TXNDC8: variants seen among roughly 807,000 people sequenced by gnomAD.
TXNDC8 encodes thioredoxin domain-containing protein 8.
Under a neutral mutation model 12.9 loss-of-function variants are expected in TXNDC8, and 15 were observed. The ratio of observed to expected loss-of-function variants is 1.16; its 90% confidence interval spans 0.78 to 1.79. The LOEUF is 1.79. Among genes scored for constraint, TXNDC8 ranks in the 40% most tolerant of loss-of-function variants. The pLI is 0.00. For synonymous variants in TXNDC8, 40 were observed against 35.4 expected (o/e 1.13, Z -0.46); for missense variants, 128 against 113.2 (o/e 1.13, Z -0.59).
chr9:110,311,682 A>ATATATGGATATAGTAATATAGTATATCCT (rs1564096269), intron 3 of TXNDC8, among the ~76,000 whole-genome samples: 39 of 133,272 alleles, frequency 2.9e-4, no homozygotes, highest in African/African-American at 1.2e-3. Context: ...ATATCCTTAT[A>ATATATGGATATAGTAATATAGTATATCCT]TATATATATA....
At chr9:110,326,299 G>T in intron 2 of TXNDC8, 59 bp from the exon 4 acceptor site, 1 of 1,570,118 alleles carries the variant, frequency 6.4e-7, no homozygotes, top group Non-Finnish European at 8.8e-7. Context: ...TCTGTACCAA[G>T]CATGTTATTT....
intron 2 of TXNDC8, 55 bp from the exon 4 acceptor site, chr9:110,326,295 C>T: frequency 6.3e-7 from 1 of 1,583,902 alleles, no homozygotes; most frequent in South Asian, 1.1e-5. Flanking sequence ...TCTCTCTGTA[C>T]CAAGCATGTT....
intron 3 of TXNDC8, among the ~76,000 whole-genome samples, chr9:110,305,008 C>T (rs1354372610): frequency 6.6e-6 from 1 of 151,660 alleles, no homozygotes; most frequent in Non-Finnish European, 1.5e-5. Flanking sequence ...ATTAGCCAGG[C>T]GTGGTGGTGT....
intron 3 of TXNDC8, among the ~76,000 whole-genome samples, chr9:110,316,723 A>G (rs1478687233): frequency 6.6e-6 from 1 of 152,216 alleles, no homozygotes; most frequent in Non-Finnish European, 1.5e-5. Flanking sequence ...TGATTTAGAA[A>G]CTCTACTTAC....
intron 1 of TXNDC8, among the ~76,000 whole-genome samples, chr9:110,335,795 G>C (rs568328237): frequency 6.6e-6 from 1 of 152,280 alleles, no homozygotes; most frequent in East Asian, 1.9e-4. Context: ...TTAAGAGGAG[G>C]GGGATGGGAT....
downstream of TXNDC8, among the ~76,000 whole-genome samples, chr9:110,303,125 G>C (rs1000662307): frequency 2.0e-5 from 3 of 152,142 alleles, no homozygotes; most frequent in Non-Finnish European, 2.9e-5. Context: ...AATCGGGGGA[G>C]GCTTTCATAT....
At chr9:110,301,413 AC>A (rs1838268943), downstream of TXNDC8, among the ~76,000 whole-genome samples, 3 of 152,176 alleles carry the variant, frequency 2.0e-5, no homozygotes, top group South Asian at 6.2e-4. Flanking sequence ...TTATCAGACA[AC>A]TTTTGCTTTA....
intron 3 of TXNDC8, among the ~76,000 whole-genome samples, chr9:110,318,695 G>A (rs546582351): frequency 2.6e-5 from 4 of 151,822 alleles, no homozygotes; most frequent in Non-Finnish European, 5.9e-5. Context: ...CTGAGATAGT[G>A]CCACTGCCCT....
intron 3 of TXNDC8, chr9:110,323,657 C>A (rs1255965627): frequency 1.3e-5 from 6 of 450,874 alleles, no homozygotes. Flanking sequence ...GAGAAACCAA[C>A]CCAGAGTTTA....
At chr9:110,328,545 G>A (rs191142428) in intron 2 of TXNDC8, among the ~76,000 whole-genome samples, 248 of 152,360 alleles carry the variant, frequency 1.6e-3, no homozygotes, top group African/African-American at 5.8e-3. Flanking sequence ...AGTGGCTCAC[G>A]CCTGTAATCC....
chr9:110,337,103 A>T (rs2118893276), intron 1 of TXNDC8, among the ~76,000 whole-genome samples: 1 of 152,290 alleles, frequency 6.6e-6, no homozygotes, highest in South Asian at 2.1e-4. Flanking sequence ...CTTTGGGGAA[A>T]ATGTCACAAG....
At chr9:110,312,344 T>G (rs1318304668) in intron 3 of TXNDC8, among the ~76,000 whole-genome samples, 1 of 152,222 alleles carries the variant, frequency 6.6e-6, no homozygotes, top group African/African-American at 2.4e-5. Flanking sequence ...AAACCGGTTA[T>G]TTTACCAAAG....
At chr9:110,324,038 T>A (rs1422138253) in intron 3 of TXNDC8, 1 of 1,542,596 alleles carries the variant, frequency 6.5e-7, no homozygotes, top group African/African-American at 1.4e-5. Context: ...CAAAAGGGAG[T>A]GGTTCCTTGG....
intron 2 of TXNDC8, among the ~76,000 whole-genome samples, chr9:110,327,354 C>T (rs1254826282): frequency 1.3e-5 from 2 of 150,484 alleles, no homozygotes; most frequent in Non-Finnish European, 3.0e-5. Flanking sequence ...TGGAATTTCG[C>T]TCTTGTCGCC....
intron 3 of TXNDC8, among the ~76,000 whole-genome samples, chr9:110,321,711 T>C (rs1839100956): frequency 7.4e-6 from 1 of 135,258 alleles, no homozygotes; most frequent in Non-Finnish European, 1.6e-5. Context: ...GACACCTTCC[T>C]AGTCAGTTCT....
chr9:110,318,593 C>T (rs1357248933), intron 3 of TXNDC8, among the ~76,000 whole-genome samples: 7 of 152,138 alleles, frequency 4.6e-5, no homozygotes, highest in Non-Finnish European at 1.0e-4. Context: ...AAAAAATTAG[C>T]CAGGCATCAT....
chr9:110,330,858 A>T (rs1208645913), intron 2 of TXNDC8, among the ~76,000 whole-genome samples: 4 of 152,166 alleles, frequency 2.6e-5, no homozygotes, highest in Non-Finnish European at 5.9e-5. Context: ...GCTCTTGCAT[A>T]ATTTCAATCA....
At chr9:110,312,912 G>C (rs1426034767) in intron 3 of TXNDC8, among the ~76,000 whole-genome samples, 1 of 151,992 alleles carries the variant, frequency 6.6e-6, no homozygotes, top group African/African-American at 2.4e-5. Context: ...TTTTTTAGTT[G>C]TTTTTGAGAC....
At chr9:110,309,175 A>G (rs941943667) in intron 3 of TXNDC8, among the ~76,000 whole-genome samples, 1 of 118,854 alleles carries the variant, frequency 8.4e-6, no homozygotes, top group African/African-American at 3.5e-5. Context: ...ATATTTGCAT[A>G]AGAGACTGAA....
Sources: allele counts gnomAD v4.1 joint callset (sites outside exome capture counted in the v4.1 genomes callset), GRCh38; gene constraint gnomAD v4.1.1; transcripts MANE v1.5; gene names NCBI Gene and HGNC (gene_info 2026-07-23, HGNC 2026-07-21).